MTMR7: variants seen among roughly 807,000 people sequenced by gnomAD.
MTMR7 encodes the protein phosphatidylinositol-3-phosphate phosphatase MTMR7.
In MTMR7, 76 loss-of-function variants were observed where a neutral mutation model predicts 81.2. The observed-to-expected ratio is 0.94, with a 90% confidence interval of 0.78 to 1.13. The LOEUF (loss-of-function observed/expected upper bound fraction) is 1.13, where lower values mean the gene tolerates loss of function less well. Among genes scored for constraint, MTMR7 ranks in the 50% most tolerant of loss-of-function variants. The pLI is 0.00. For synonymous variants in MTMR7, 372 were observed against 289.8 expected, an observed-to-expected ratio of 1.28 and a Z score of -2.88; for missense variants, 1,044 against 820.0, an observed-to-expected ratio of 1.27 and a Z score of -3.34.
At chr8:17,334,532 A>G (rs1819163505) in intron 6 of MTMR7, among the ~76,000 whole-genome samples, 1 of 152,204 alleles carries the variant, frequency 6.6e-6, no homozygotes, top group Admixed American at 6.5e-5. Context: ...TAGGACTGCA[A>G]AAATACCCTG....
intron 1 of MTMR7, among the ~76,000 whole-genome samples, chr8:17,408,077 G>A (rs1821638745): frequency 6.6e-6 from 1 of 152,140 alleles, no homozygotes; most frequent in Non-Finnish European, 1.5e-5. Flanking sequence ...CTAAAAAGTG[G>A]AAACCATCAA....
intron 9 of MTMR7, 73 bp downstream of exon 9, chr8:17,311,438 A>T: frequency 6.3e-7 from 1 of 1,597,062 alleles, no homozygotes. Context: ...AGCAGTTGCC[A>T]GTAGTTGTAA....
intron 12 of MTMR7, among the ~76,000 whole-genome samples, chr8:17,303,953 T>C (rs560011664): frequency 8.5e-5 from 13 of 152,310 alleles, no homozygotes; most frequent in Middle Eastern, 3.4e-3. Context: ...ACCTATTACG[T>C]TGGTGCAAAA....
At chr8:17,376,098 C>T (rs538423629) in intron 1 of MTMR7, among the ~76,000 whole-genome samples, 9 of 152,274 alleles carry the variant, frequency 5.9e-5, no homozygotes, top group African/African-American at 1.9e-4. Flanking sequence ...ACCACTCCGG[C>T]CCTAAAAAAA....
At chr8:17,385,347 C>G (rs151151179) in intron 1 of MTMR7, among the ~76,000 whole-genome samples, 2 of 152,178 alleles carry the variant, frequency 1.3e-5, no homozygotes, top group African/African-American at 4.8e-5. Context: ...TCTCCCAATC[C>G]CCGCATGCCG....
At chr8:17,312,569 C>A (rs1817845812) in intron 8 of MTMR7, among the ~76,000 whole-genome samples, 2 of 93,508 alleles carry the variant, frequency 2.1e-5, no homozygotes, top group Admixed American at 1.1e-4. Context: ...AGCGAGACTC[C>A]CTCTCAAAAA....
In MTMR7 at chr8:17,413,333, C is replaced by A. The variant is rs373827872; in HGVS notation, c.-41G>T. The A allele has an allele frequency of 2.0e-6, 3 of 1,516,030 alleles. No homozygotes were observed. Among genetic ancestry groups the A allele is most frequent in the Non-Finnish European group, 2.7e-6 (3 of 1,131,488 alleles). The allele number at this position is 1,516,030 out of a possible 1,614,324, so 93.9% of individuals were successfully genotyped here. A position where few individuals can be genotyped will look rare whatever the true frequency, so the allele number is the denominator to read the frequency against. On this transcript the variant is annotated 5_prime_UTR_variant, in exon 1 of 14. Transcript: ENST00000180173. ...GCAGGGTCCCGGGCGGGCGCGGCCTCACGCACCTGCGCGCCTCTGCGGCGC... is the reference window on the plus strand; with the variant it reads ...GCAGGGTCCCGGGCGGGCGCGGCCTAACGCACCTGCGCGCCTCTGCGGCGC...
intron 1 of MTMR7, among the ~76,000 whole-genome samples, chr8:17,387,723 C>G (rs1040939582): frequency 6.6e-6 from 1 of 152,100 alleles, no homozygotes; most frequent in Non-Finnish European, 1.5e-5. Flanking sequence ...AATTCCTATA[C>G]GTAAAATTAT....
intron 7 of MTMR7, among the ~76,000 whole-genome samples, chr8:17,329,684 T>C (rs1049250094): frequency 6.6e-6 from 1 of 152,240 alleles, no homozygotes; most frequent in Non-Finnish European, 1.5e-5. Flanking sequence ...ATGAACAGTC[T>C]TCAGACTAAA....
chr8:17,391,960 G>A (rs1482292055), intron 1 of MTMR7, among the ~76,000 whole-genome samples: 3 of 152,142 alleles, frequency 2.0e-5, no homozygotes, highest in African/African-American at 4.8e-5. Flanking sequence ...TCCACCAGGG[G>A]AAAGGGCACT....
At chr8:17,366,152 G>T (rs761749742) in intron 3 of MTMR7, among the ~76,000 whole-genome samples, 8 of 152,132 alleles carry the variant, frequency 5.3e-5, no homozygotes, top group Non-Finnish European at 1.2e-4. Context: ...GTGAATAAAT[G>T]GGGCTGCATC....
At chr8:17,310,114 C>T (rs920973385) in intron 9 of MTMR7, among the ~76,000 whole-genome samples, 1 of 152,116 alleles carries the variant, frequency 6.6e-6, no homozygotes, top group African/African-American at 2.4e-5. Flanking sequence ...GATCCTCCCA[C>T]CTCAGCCCAA....
intron 1 of MTMR7, among the ~76,000 whole-genome samples, chr8:17,407,166 T>G (rs577687373): frequency 3.0e-4 from 46 of 152,142 alleles, no homozygotes; most frequent in African/African-American, 1.1e-3. Context: ...ACACACACAC[T>G]AAATCACCCA....
intron 13 of MTMR7, among the ~76,000 whole-genome samples, chr8:17,301,292 A>C (rs1718945432): frequency 6.6e-6 from 1 of 152,192 alleles, no homozygotes; most frequent in South Asian, 2.1e-4. Flanking sequence ...AGAGGGATGA[A>C]GTGGTAAGGT....
At chr8:17,311,420 A>T in intron 9 of MTMR7, 91 bp downstream of exon 9, 10 of 1,548,094 alleles carry the variant, frequency 6.5e-6, no homozygotes, top group Non-Finnish European at 8.8e-6. Flanking sequence ...TAATGCTGGC[A>T]AGAAAACAGC....
At chr8:17,383,550 A>C (rs1312832798) in intron 1 of MTMR7, among the ~76,000 whole-genome samples, 3 of 152,186 alleles carry the variant, frequency 2.0e-5, no homozygotes, top group Non-Finnish European at 4.4e-5. Context: ...CCCATACCTG[A>C]CCACTTCAGT....
At chr8:17,397,402 T>C (rs970438119) in intron 1 of MTMR7, among the ~76,000 whole-genome samples, 2 of 152,064 alleles carry the variant, frequency 1.3e-5, no homozygotes, top group Admixed American at 6.5e-5. Flanking sequence ...GAAGAGCCCT[T>C]GGGCTTTAAG....
chr8:17,315,190 C>A (rs897812714), intron 7 of MTMR7, among the ~76,000 whole-genome samples: 1 of 152,096 alleles, frequency 6.6e-6, no homozygotes, highest in East Asian at 1.9e-4. Context: ...TGAAAAGACA[C>A]AGAGGGAAGT....
At chr8:17,336,867 G>T (rs770224521) in intron 6 of MTMR7, among the ~76,000 whole-genome samples, 2 of 152,310 alleles carry the variant, frequency 1.3e-5, no homozygotes, top group East Asian at 3.9e-4. Context: ...GGCTCTGCTG[G>T]AGAATTTTTG....
Sources: allele counts gnomAD v4.1 joint callset (sites outside exome capture counted in the v4.1 genomes callset), GRCh38; gene constraint gnomAD v4.1.1; transcripts MANE v1.5; gene names NCBI Gene and HGNC (gene_info 2026-07-23, HGNC 2026-07-21).